EXOC6: variants seen among roughly 807,000 people sequenced by gnomAD.
EXOC6 encodes SEC15-like 1.
In EXOC6, 60 loss-of-function variants were observed where a neutral mutation model predicts 112.5. The ratio of observed to expected loss-of-function variants is 0.53; its 90% CI spans 0.43 to 0.66. The LOEUF is 0.66. EXOC6 is among the 30% of genes least tolerant of loss of function. EXOC6 has a pLI of 0.00. For missense variants in EXOC6, 855 were observed against 957.1 expected, an observed-to-expected ratio of 0.89 and a Z score of 1.41; for synonymous variants, 295 against 308.0, an observed-to-expected ratio of 0.96 and a Z score of 0.44.
chr10:92,871,821 A>G (rs1044527072), intron 1 of EXOC6, among the ~76,000 whole-genome samples: 2 of 152,038 alleles, frequency 1.3e-5, no homozygotes, highest in African/African-American at 4.8e-5. Context: ...AAAATAAATA[A>G]AATAATAAAA....
chr10:92,896,175 ATATATATTTTTTTTTTTTTTTTTTTTTTT>A (rs1849801397), intron 4 of EXOC6, among the ~76,000 whole-genome samples: 1 of 20,522 alleles, frequency 4.9e-5, no homozygotes, highest in African/African-American at 2.0e-4. Flanking sequence ...ATATATATAT[ATATATATTTTTTTTTTTTTTTTTTTTTTT>A]TTTTTTTTTT....
intron 1 of EXOC6, among the ~76,000 whole-genome samples, chr10:92,863,571 A>T (rs1046110264): frequency 6.6e-6 from 1 of 152,096 alleles, no homozygotes. Context: ...TGAGCCCAGG[A>T]GGTTGAGACC....
intron 20 of EXOC6, among the ~76,000 whole-genome samples, chr10:93,045,145 T>G (rs1225180394): frequency 1.3e-5 from 2 of 152,234 alleles, no homozygotes; most frequent in African/African-American, 4.8e-5. Context: ...GTGCTGGGAT[T>G]ACAGGCGTGA....
intron 19 of EXOC6, chr10:92,999,239 T>A (rs1247766021): frequency 7.3e-6 from 3 of 410,130 alleles, no homozygotes; most frequent in African/African-American, 6.5e-5. Context: ...TTTTTTTTTT[T>A]TAAATTACAG....
In EXOC6 at chr10:93,037,392, A is replaced by G. The variant is rs547108689; in HGVS notation, c.2170-19532A>G. ...TGGCCTCAAGCGATCCACCTCAGCC[A>G]CCCAATGTGCGGGGATTAATAGGGC... On this transcript the variant is annotated intron_variant, in intron 20 of 21. Transcript: ENST00000260762. Among the ~76,000 whole-genome samples the G allele has an allele frequency of 7.9e-5, 12 of 151,288 alleles. No homozygotes were observed. The East Asian group carries it at 2.3e-3, about 30-fold the overall frequency.
intron 19 of EXOC6, among the ~76,000 whole-genome samples, chr10:93,001,956 G>C (rs1345293510): frequency 2.6e-5 from 4 of 152,172 alleles, no homozygotes; most frequent in African/African-American, 9.7e-5. Context: ...TGATGCCCCA[G>C]ATTAAATATA....
chr10:92,939,771 C>G (rs1043246061), intron 12 of EXOC6, among the ~76,000 whole-genome samples: 9 of 151,900 alleles, frequency 5.9e-5, no homozygotes, highest in Non-Finnish European at 8.8e-5. Flanking sequence ...AGATGGAGAA[C>G]AAGAAGAGTG....
At chr10:92,891,415 A>C (rs1157826867) in intron 1 of EXOC6, among the ~76,000 whole-genome samples, 1 of 152,200 alleles carries the variant, frequency 6.6e-6, no homozygotes, top group East Asian at 1.9e-4. Context: ...ATTTTTTAAA[A>C]AATTAAAAAA....
chr10:92,954,420 T>TATATGA (rs1488197710), intron 15 of EXOC6, among the ~76,000 whole-genome samples: 6 of 152,244 alleles, frequency 3.9e-5, no homozygotes, highest in African/African-American at 1.4e-4. Flanking sequence ...AATTATGCCA[T>TATATGA]ATATGAATAT....
intron 1 of EXOC6, among the ~76,000 whole-genome samples, chr10:92,838,065 A>C (rs1846720051): frequency 6.6e-6 from 1 of 152,142 alleles, no homozygotes; most frequent in Non-Finnish European, 1.5e-5. Context: ...TTGCTCCCCT[A>C]AAAAGGTGAG....
At chr10:92,866,388 A>G (rs938321523) in intron 1 of EXOC6, among the ~76,000 whole-genome samples, 4 of 152,156 alleles carry the variant, frequency 2.6e-5, no homozygotes, top group Admixed American at 1.3e-4. Context: ...TTTCATTAAC[A>G]TGTCCCAAAA....
intron 12 of EXOC6, among the ~76,000 whole-genome samples, chr10:92,938,691 A>G (rs1379959184): frequency 6.6e-6 from 1 of 152,174 alleles, no homozygotes; most frequent in East Asian, 1.9e-4. Context: ...AGACTAGTTG[A>G]TGTATACAAT....
At chr10:92,961,917 T>G (rs1219748383) in intron 17 of EXOC6, among the ~76,000 whole-genome samples, 1 of 152,114 alleles carries the variant, frequency 6.6e-6, no homozygotes, top group Non-Finnish European at 1.5e-5. Context: ...TGAACACTTT[T>G]GAGGTACAAA....
chr10:92,891,558 T>C (rs1849501924), intron 1 of EXOC6, among the ~76,000 whole-genome samples: 1 of 152,246 alleles, frequency 6.6e-6, no homozygotes, highest in Non-Finnish European at 1.5e-5. Context: ...CTTTGCTCAC[T>C]GCAACCTCTG....
chr10:92,891,449 A>T (rs985694818), intron 1 of EXOC6, among the ~76,000 whole-genome samples: 21 of 152,212 alleles, frequency 1.4e-4, no homozygotes, highest in Admixed American at 5.2e-4. Flanking sequence ...TTTGACGTAC[A>T]TTAGAATGTA....
At chr10:92,886,950 T>C (rs185377787) in intron 1 of EXOC6, among the ~76,000 whole-genome samples, 7 of 152,314 alleles carry the variant, frequency 4.6e-5, no homozygotes, top group Admixed American at 3.3e-4. Context: ...AAGTACTTGG[T>C]TGGTTGTTAT....
chr10:92,987,921 T>A (rs927587237), intron 18 of EXOC6, among the ~76,000 whole-genome samples: 1 of 152,182 alleles, frequency 6.6e-6, no homozygotes, highest in Non-Finnish European at 1.5e-5. Flanking sequence ...TCTTTCCTCA[T>A]CTGTAAAATG....
intron 20 of EXOC6, among the ~76,000 whole-genome samples, chr10:93,056,503 C>T (rs1490187979): frequency 1.3e-5 from 2 of 152,140 alleles, no homozygotes; most frequent in African/African-American, 4.8e-5. Context: ...GAAAGGTAAA[C>T]ATACTTACCT....
intron 18 of EXOC6, among the ~76,000 whole-genome samples, chr10:92,986,215 C>T (rs1843000406): frequency 6.6e-6 from 1 of 152,096 alleles, no homozygotes. Flanking sequence ...TGAATTTCAT[C>T]TTAACTTTGT....
Sources: gnomAD v4.1 joint callset for allele counts (sites outside exome capture counted in the v4.1 genomes callset) on GRCh38, gnomAD v4.1.1 for gene constraint, MANE v1.5 for transcripts, NCBI Gene and HGNC (gene_info 2026-07-23, HGNC 2026-07-21) for gene names.